The following ZSWIM5 variants were observed in gnomAD, a reference collection of about 807,000 sequenced individuals.
ZSWIM5 encodes the protein zinc finger SWIM domain-containing protein 5.
In ZSWIM5, 55 loss-of-function variants were observed where a neutral mutation model predicts 119.6. The ratio of observed to expected loss-of-function variants is 0.46; its 90% CI spans 0.37 to 0.58. ZSWIM5 has a LOEUF of 0.58. ZSWIM5 is among the 20% of genes least tolerant of loss of function. The probability of loss-of-function intolerance (pLI) is 0.00; values close to 1 mark genes in which losing one functional copy is unlikely to be tolerated. For missense variants in ZSWIM5, 1,193 were observed against 1,512.8 expected (o/e 0.79, Z 3.51); for synonymous variants, 537 against 606.9 (o/e 0.88, Z 1.69).
At chr1:45,086,834 G>A (rs913395971) in intron 2 of ZSWIM5, among the ~76,000 whole-genome samples, 2 of 150,796 alleles carry the variant, frequency 1.3e-5, no homozygotes, top group Non-Finnish European at 2.9e-5. Flanking sequence ...AACACAGTGG[G>A]ATCTAAAAAG....
rs1219395006 is a variant in ZSWIM5, at chr1:45,018,518, T to G, written c.3494A>C (p.Asn1165Thr). 3 of 1,613,938 alleles carry G rather than the reference T, an allele frequency of 1.9e-6. No homozygotes were observed. In the African/African-American group the frequency reaches 4.0e-5, roughly 22 times the overall value. The change falls in exon 14 of 14, where the codon AAC becomes ACC. Residue 1165 changes from asparagine (N) to threonine (T), a missense_variant. Physicochemically the swap from Asn to Thr is moderately conservative, Grantham distance 65. Coordinates refer to ENST00000359600, the MANE Select transcript of ZSWIM5 (RefSeq NM_020883.2). This position sits in a 1 kb window ranked among gnomAD's most constrained non-coding sequence, Gnocchi z 6.7. The stretch of plus-strand genomic sequence containing the variant: ...CTTGCCTTTGTAGATCTGTTTGAGG[T>G]TGTCGATGAACTGGGCAAACTGCAG... ...GHLQFAQFID[N>T]LKQIYKGKKK...
chr1:45,204,986 T>C (rs1315380218), intron 1 of ZSWIM5, among the ~76,000 whole-genome samples: 5 of 152,140 alleles, frequency 3.3e-5, no homozygotes, highest in Admixed American at 1.3e-4. Flanking sequence ...TTGTATAATA[T>C]ATTTTTCCAT....
chr1:45,125,765 C>CAAAAA (rs77954473), intron 1 of ZSWIM5, among the ~76,000 whole-genome samples: 1 of 111,932 alleles, frequency 8.9e-6, no homozygotes, highest in African/African-American at 3.3e-5. Flanking sequence ...CTCCGTTTCA[C>CAAAAA]AAAAAAAAAA....
intron 11 of ZSWIM5, among the ~76,000 whole-genome samples, chr1:45,029,081 A>G (rs1250010221): frequency 5.3e-5 from 8 of 152,236 alleles, no homozygotes; most frequent in Non-Finnish European, 1.2e-4. Context: ...TATTTCCTAC[A>G]AAGACACTCT....
chr1:45,142,299 C>G (rs1418709113), intron 1 of ZSWIM5, among the ~76,000 whole-genome samples: 1 of 152,200 alleles, frequency 6.6e-6, no homozygotes, highest in Non-Finnish European at 1.5e-5. Context: ...TTCTCACAAA[C>G]TCAAACTACC....
intron 2 of ZSWIM5, among the ~76,000 whole-genome samples, chr1:45,079,844 C>T (rs1288129021): frequency 6.6e-6 from 1 of 152,120 alleles, no homozygotes; most frequent in African/African-American, 2.4e-5. Context: ...GCAATGAATC[C>T]TGTCAGGACT....
At chr1:45,200,102 A>G (rs1646150108) in intron 1 of ZSWIM5, among the ~76,000 whole-genome samples, 1 of 152,198 alleles carries the variant, frequency 6.6e-6, no homozygotes, top group Non-Finnish European at 1.5e-5. Context: ...CACAAATATA[A>G]AAAATGATAT....
intron 2 of ZSWIM5, among the ~76,000 whole-genome samples, chr1:45,083,079 C>T (rs77720553): frequency 3.3e-5 from 5 of 151,940 alleles, no homozygotes; most frequent in African/African-American, 7.3e-5. Flanking sequence ...AGGAGGTCAG[C>T]GTAGAACAGC....
At chr1:45,199,423 T>C (rs1373491695) in intron 1 of ZSWIM5, among the ~76,000 whole-genome samples, 1 of 151,804 alleles carries the variant, frequency 6.6e-6, no homozygotes, top group Non-Finnish European at 1.5e-5. Flanking sequence ...CTCAACCTCC[T>C]GAGTAGCTGG....
chr1:45,202,007 G>A (rs1288439493), intron 1 of ZSWIM5, among the ~76,000 whole-genome samples: 1 of 151,990 alleles, frequency 6.6e-6, no homozygotes, highest in South Asian at 2.1e-4. Flanking sequence ...TGATGTGTTA[G>A]GGTGGAGGGA....
chr1:45,109,618 G>A (rs1346391106), intron 1 of ZSWIM5, among the ~76,000 whole-genome samples: 14 of 151,852 alleles, frequency 9.2e-5, no homozygotes, highest in African/African-American at 9.7e-5. Flanking sequence ...GGTGGCGCGC[G>A]CCTGTAGTCC....
rs112932129 is a variant in ZSWIM5, at chr1:45,030,316, C to T, written c.2449+3996G>A. On this transcript the variant is annotated intron_variant, in intron 11 of 13. Transcript: ENST00000359600. ...AGGCTGGAGTGCAGTGGCGCAATCT[C>T]GGCTCACTGCAACCTCTGCCTCCCA... Among the ~76,000 whole-genome samples the T allele has an allele frequency of 2.1e-3, 319 of 152,112 alleles. 1 individual carries two copies. Among genetic ancestry groups the T allele is most frequent in the Admixed American group, 4.8e-3 (74 of 15,268 alleles).
Position 45,019,160 on chromosome 1 carries a change from C to A in ZSWIM5, c.2852G>T (p.Arg951Leu), listed in dbSNP as rs371662647. 2 of 1,613,818 alleles carry A rather than the reference C, an allele frequency of 1.2e-6. No individual in the cohort carries two copies. Among genetic ancestry groups the A allele is most frequent in the South Asian group, 2.2e-5 (2 of 91,064 alleles). ...CATAGCACACTGTAGAGCCAGTGTG[C>A]GAGCACAGCTAGCCAGTTCCTCCCG... is the stretch of plus-strand genomic sequence containing the variant. ...PQREELASCARTLALQCAMKD... is the reference protein window; with the variant it reads ...PQREELASCALTLALQCAMKD... The change falls in exon 14 of 14, where the codon CGC (arginine) becomes CTC (leucine). Residue 951 changes from arginine (R) to leucine (L), a missense_variant. This residue lies in a region of ZSWIM5 where 961 missense variants were observed against 1,290.0 expected (regional missense o/e 0.74). Transcript: ENST00000359600. The surrounding 1 kb of genome is among the most constrained non-coding windows in gnomAD (Gnocchi z 5.0).
intron 1 of ZSWIM5, among the ~76,000 whole-genome samples, chr1:45,143,280 A>T (rs926670802): frequency 8.5e-5 from 13 of 152,130 alleles, no homozygotes; most frequent in Non-Finnish European, 1.5e-5. Flanking sequence ...GTCCAGAAAC[A>T]TATACAAAGA....
intron 1 of ZSWIM5, among the ~76,000 whole-genome samples, chr1:45,179,963 C>T (rs368840711): frequency 2.0e-5 from 3 of 152,056 alleles, no homozygotes; most frequent in African/African-American, 4.8e-5. Flanking sequence ...CCAAGATGGC[C>T]GAATAGGAAC....
At chr1:45,029,694 T>C (rs901203826) in intron 11 of ZSWIM5, among the ~76,000 whole-genome samples, 20 of 152,322 alleles carry the variant, frequency 1.3e-4, no homozygotes, top group African/African-American at 4.8e-4. Context: ...AATCATACGA[T>C]CTTTATCCTT....
At chr1:45,046,634 A>ATGTG (rs60762459) in intron 5 of ZSWIM5, among the ~76,000 whole-genome samples, 3,197 of 147,484 alleles carry the variant, frequency 0.022, 60 homozygotes, top group African/African-American at 0.043. Flanking sequence ...TGGGCAAGAT[A>ATGTG]TGTGTGTGTG....
chr1:45,122,975 C>T (rs1393337300), intron 1 of ZSWIM5, among the ~76,000 whole-genome samples: 1 of 152,136 alleles, frequency 6.6e-6, no homozygotes, highest in African/African-American at 2.4e-5. Context: ...ACGAGGCCAC[C>T]ACCCTTCCAC....
chr1:45,046,526 T>C (rs1209702122), intron 5 of ZSWIM5, among the ~76,000 whole-genome samples: 1 of 151,972 alleles, frequency 6.6e-6, no homozygotes, highest in Non-Finnish European at 1.5e-5. Flanking sequence ...TGCGTGGGGC[T>C]TGAGGGGTAG....
Sources: gnomAD v4.1 joint callset for allele counts (sites outside exome capture counted in the v4.1 genomes callset) on GRCh38, gnomAD v4.1.1 for gene constraint, gnomAD v4.1.1 regional missense constraint, Gnocchi (gnomAD v3.1) non-coding constraint, MANE v1.5 for transcripts, NCBI Gene and HGNC (gene_info 2026-07-23, HGNC 2026-07-21) for gene names.